FBLN1: variants seen among roughly 807,000 people sequenced by gnomAD.
FBLN1 encodes fibulin-1.
A neutral mutation model predicts 89.7 loss-of-function variants in FBLN1; 34 were observed. The ratio of observed to expected loss-of-function variants is 0.38; its 90% CI spans 0.29 to 0.50. The LOEUF is 0.50. Among genes scored for constraint, FBLN1 ranks in the 20% least tolerant of loss-of-function variants. The pLI is 0.92. For missense variants in FBLN1, 777 were observed against 988.1 expected (o/e 0.79, Z 2.86); for synonymous variants, 393 against 391.3 (o/e 1.00, Z -0.05).
intron 1 of FBLN1, among the ~76,000 whole-genome samples, chr22:45,515,111 G>A (rs769214340): frequency 3.3e-5 from 5 of 152,226 alleles, no homozygotes; most frequent in African/African-American, 4.8e-5. Flanking sequence ...AGTGAGAGCC[G>A]GTGAATGAGA....
At chr22:45,582,014 A>G (rs1183868875) in intron 16 of FBLN1, among the ~76,000 whole-genome samples, 1 of 152,114 alleles carries the variant, frequency 6.6e-6, no homozygotes, top group African/African-American at 2.4e-5. Context: ...CCGCTGCTTT[A>G]TTTAACCCAC....
rs1351024449 is a variant in FBLN1 at position 45,502,981 on chromosome 22, C to A, written c.-5C>A. The A allele has an allele frequency of 6.7e-6, 8 of 1,194,828 alleles. No homozygotes were observed. Among genetic ancestry groups the A allele is most frequent in the Non-Finnish European group, 8.3e-6 (8 of 963,758 alleles). 74.0% of individuals were successfully genotyped at this position (1,194,828 alleles called of 1,614,324 possible). A position where few individuals can be genotyped will look rare whatever the true frequency, so the allele number is the denominator to read the frequency against. On this transcript the variant is annotated 5_prime_UTR_variant, in exon 1 of 17. Transcript: ENST00000327858. The stretch of plus-strand genomic sequence containing the variant: ...CCGCCGCCCACCGCCCGTCGCCCGC[C>A]GCCCATGGAGCGCGCCGCGCCGTCG...
chr22:45,598,724 C>G (rs189426826), intron 16 of FBLN1, among the ~76,000 whole-genome samples: 1 of 152,346 alleles, frequency 6.6e-6, no homozygotes, highest in East Asian at 1.9e-4. Context: ...GTCCCAGCAC[C>G]TGTTTAGCAC....
At chr22:45,526,473 A>G (rs932126280) in intron 3 of FBLN1, among the ~76,000 whole-genome samples, 5 of 152,312 alleles carry the variant, frequency 3.3e-5, no homozygotes, top group Non-Finnish European at 5.9e-5. Context: ...TTGGGCCTGG[A>G]GGAGCTCGGG....
rs376739185 is a variant in FBLN1, at chr22:45,600,302, C to A, written c.1973-5C>A. 1.9e-6 allele frequency: 3 copies of A among 1,614,106 alleles called. No individual in the cohort carries two copies. Among genetic ancestry groups the A allele is most frequent in the Non-Finnish European group, 2.5e-6 (3 of 1,180,040 alleles). On this transcript the variant is annotated splice_polypyrimidine_tract_variant and splice_region_variant and intron_variant, in intron 16 of 16. Transcript: ENST00000327858. ...CTTCCAGCACACCTTCTGCTCTCTCCGCAGGTGTCGTGCGCCAGGTGCGGC... is the reference window on the plus strand; with the variant it reads ...CTTCCAGCACACCTTCTGCTCTCTCAGCAGGTGTCGTGCGCCAGGTGCGGC...
Position 45,600,536 on chromosome 22 carries a change from C to A in FBLN1, c.*90C>A. The A allele has an allele frequency of 6.8e-7, 1 of 1,467,544 alleles. No homozygotes were observed. The highest frequency in any genetic ancestry group is 2.3e-5 in the East Asian group (1 of 44,208). The allele number at this position is 1,467,544 out of a possible 1,614,324, so 90.9% of individuals were successfully genotyped here. ...GTCTGTACTTGTTTATACCCTCAGA[C>A]TTTTTTAATGTTAGGTATTTGTAGC... On this transcript the variant is annotated 3_prime_UTR_variant, in exon 17 of 17. Coordinates refer to ENST00000327858, the MANE Select transcript of FBLN1 (RefSeq NM_006486.3).
In FBLN1 at chr22:45,542,325, G is replaced by T. The variant is rs760107735; in HGVS notation, c.1195+42G>T. 5 of 1,612,120 alleles carry T rather than the reference G, an allele frequency of 3.1e-6. No individual in the cohort carries two copies. The Admixed American group carries it at 6.7e-5, about 21-fold the overall frequency. ...GCAGGCCTCGGGGGAACCCAGCCAC[G>T]TGGCACCAGGGACACATTTCTGTGG... On this transcript the variant is annotated intron_variant, in intron 10 of 16. Coordinates refer to ENST00000327858, the MANE Select transcript of FBLN1 (RefSeq NM_006486.3).
chr22:45,535,057 G>C, intron 7 of FBLN1, 143 bp from the exon 8 acceptor site: 2 of 997,882 alleles, frequency 2.0e-6, no homozygotes, highest in Non-Finnish European at 3.0e-6. Flanking sequence ...AGTCTTTTTT[G>C]TGTATGATTT....
chr22:45,548,830 T>C, intron 13 of FBLN1, 86 bp downstream of exon 13: 1 of 1,579,498 alleles, frequency 6.3e-7, no homozygotes, highest in Non-Finnish European at 8.6e-7. Flanking sequence ...TCGGGGGCTG[T>C]GCTTCCCCAA....
At chr22:45,541,099 A>G in intron 8 of FBLN1, 130 bp from the exon 9 acceptor site, 1 of 1,181,490 alleles carries the variant, frequency 8.5e-7, no homozygotes, top group Non-Finnish European at 1.3e-6. Flanking sequence ...GTCCAGAGTG[A>G]GGGGGTTGAG....
chr22:45,503,077 C>A lies in FBLN1; in HGVS notation c.79+13C>A. On this transcript the variant is annotated intron_variant, in intron 1 of 16. Transcript: ENST00000327858. ...CTGGCGGCCGGAGGTAGGGGCGTCCCGGGTCCGCCGCCCCAGCTTAGGGTC... is the reference window on the plus strand; with the variant it reads ...CTGGCGGCCGGAGGTAGGGGCGTCCAGGGTCCGCCGCCCCAGCTTAGGGTC... 1 of 1,232,620 alleles carries A rather than the reference C, an allele frequency of 8.1e-7. No homozygotes were observed. The highest frequency in any genetic ancestry group is 3.6e-5 in the South Asian group (1 of 27,698). 76.4% of individuals were successfully genotyped at this position (1,232,620 alleles called of 1,614,324 possible).
intron 1 of FBLN1, among the ~76,000 whole-genome samples, chr22:45,508,247 G>A (rs1465983308): frequency 6.7e-6 from 1 of 149,682 alleles, no homozygotes; most frequent in Non-Finnish European, 1.5e-5. Flanking sequence ...TGGCCCTGAC[G>A]TCATACCCCT....
At position 45,562,562 on chromosome 22, in the gene FBLN1, G is replaced by T. The variant is rs2147012141; in HGVS notation, c.1697+11947G>T. Among the ~76,000 whole-genome samples the T allele has an allele frequency of 6.6e-6, 1 of 152,302 alleles. No individual in the cohort carries two copies. Among genetic ancestry groups the T allele is most frequent in the East Asian group, 1.9e-4 (1 of 5,174 alleles). ...CAACCAAGAGCCCTGCGTAGCCCTG[G>T]CCACTGTCTGGGCAAGGGCCTGGGA... On this transcript the variant is annotated intron_variant, in intron 14 of 16. Transcript: ENST00000327858. This position sits in a 1 kb window ranked among gnomAD's most constrained non-coding sequence, Gnocchi z 7.8.
intron 14 of FBLN1, among the ~76,000 whole-genome samples, chr22:45,551,702 T>A (rs1029156544): frequency 6.6e-6 from 1 of 152,232 alleles, no homozygotes; most frequent in African/African-American, 2.4e-5. Flanking sequence ...GTCTGTAGCA[T>A]CCCGAAGAGC....
At chr22:45,513,858 A>C (rs193096170) in intron 1 of FBLN1, among the ~76,000 whole-genome samples, 3 of 151,964 alleles carry the variant, frequency 2.0e-5, no homozygotes, top group Admixed American at 2.0e-4. Context: ...CAGTGGCGTG[A>C]TCTTGGCTCA....
rs553858888 is a variant in FBLN1 at position 45,537,082 on chromosome 22, A to G, written c.922+1745A>G. Among the ~76,000 whole-genome samples the G allele has an allele frequency of 7.2e-5, 11 of 152,192 alleles. No homozygotes were observed. Among genetic ancestry groups the G allele is most frequent in the Non-Finnish European group, 1.5e-4 (10 of 68,026 alleles). On this transcript the variant is annotated intron_variant, in intron 8 of 16. Coordinates refer to ENST00000327858, the MANE Select transcript of FBLN1 (RefSeq NM_006486.3). This position sits in a 1 kb window ranked among gnomAD's most constrained non-coding sequence, Gnocchi z 5.7. Reference sequence around the variant, plus strand: ...GCCCCTGGGTCCTGCCTTTGAGGTCAGAGAGACTTTTTAGGAGAAGAGGTG... The same window carrying G: ...GCCCCTGGGTCCTGCCTTTGAGGTCGGAGAGACTTTTTAGGAGAAGAGGTG...
intron 16 of FBLN1, 22 bp from the exon 17 acceptor site, chr22:45,600,285 A>T (rs759421814): frequency 4.1e-5 from 66 of 1,614,056 alleles, no homozygotes; most frequent in Non-Finnish European, 5.4e-5. Flanking sequence ...AACTTCCAGC[A>T]CACCTTCTGC....
intron 1 of FBLN1, among the ~76,000 whole-genome samples, chr22:45,517,125 C>T (rs1183837308): frequency 6.6e-6 from 1 of 152,176 alleles, no homozygotes; most frequent in East Asian, 1.9e-4. Context: ...ACCCCGAGGG[C>T]CCAGCCTGGA....
rs549555701 is a variant in FBLN1 at position 45,572,252 on chromosome 22, C to T, written c.1698-2259C>T. 5.4e-4 allele frequency among the ~76,000 whole-genome samples: 82 copies of T among 152,310 alleles called. No individual in the cohort carries two copies. Among genetic ancestry groups the T allele is most frequent in the Non-Finnish European group, 9.6e-4 (65 of 68,030 alleles). ...AGTGTAAAATGAGGCTGGATCATCT[C>T]GTCACATCAGATAGCAAGAAAGCTG... On this transcript the variant is annotated intron_variant, in intron 14 of 16. Coordinates refer to ENST00000327858, the MANE Select transcript of FBLN1 (RefSeq NM_006486.3). This position sits in a 1 kb window ranked among gnomAD's most constrained non-coding sequence, Gnocchi z 5.8.
Sources: gnomAD v4.1 joint callset for allele counts (sites outside exome capture counted in the v4.1 genomes callset) on GRCh38, gnomAD v4.1.1 for gene constraint, Gnocchi (gnomAD v3.1) non-coding constraint, MANE v1.5 for transcripts, NCBI Gene and HGNC (gene_info 2026-07-23, HGNC 2026-07-21) for gene names.